SLC4A4: variants seen among roughly 807,000 people sequenced by gnomAD.
SLC4A4 encodes electrogenic sodium bicarbonate cotransporter 1.
SLC4A4 carries 27 observed loss-of-function variants against 111.5 expected under a neutral mutation model. That is an observed-to-expected ratio of 0.24 (90% CI 0.18 to 0.33). The LOEUF (loss-of-function observed/expected upper bound fraction) is 0.33. Ranked by LOEUF, SLC4A4 falls within the 10% of genes least tolerant of loss-of-function variation. The pLI is 1.00. For missense variants in SLC4A4, 909 were observed against 1,315.5 expected, an observed-to-expected ratio of 0.69 and a Z score of 4.78; for synonymous variants, 443 against 463.4, an observed-to-expected ratio of 0.96 and a Z score of 0.57.
intron 4 of SLC4A4, among the ~76,000 whole-genome samples, chr4:71,349,564 A>G (rs1024469129): frequency 3.3e-5 from 5 of 152,206 alleles, no homozygotes; most frequent in Non-Finnish European, 7.3e-5. Flanking sequence ...CTGTACCCAC[A>G]TGGAGAATTT....
chr4:71,319,974 A>G (rs1038035913), intron 3 of SLC4A4, among the ~76,000 whole-genome samples: 2 of 151,968 alleles, frequency 1.3e-5, no homozygotes, highest in Non-Finnish European at 2.9e-5. Context: ...GTGCATTTGC[A>G]GAATCCCATC....
Position 71,379,018 on chromosome 4 carries a change from AC to A in SLC4A4, c.731-18558del, listed in dbSNP as rs1297818189. Among the ~76,000 whole-genome samples, 7 of 152,022 alleles carry A rather than the reference AC, an allele frequency of 4.6e-5. No homozygotes were observed. In the East Asian group the frequency reaches 1.3e-3, roughly 29 times the overall value. ...TTCCCACCCTTCCTTGACTATTACA[AC>A]TGCTCTAATTCAGGTTTTTATCATC... On this transcript the variant is annotated intron_variant, in intron 6 of 25. Transcript: ENST00000264485.
intron 6 of SLC4A4, among the ~76,000 whole-genome samples, chr4:71,366,193 A>C (rs1178260542): frequency 6.6e-6 from 1 of 152,228 alleles, no homozygotes; most frequent in Non-Finnish European, 1.5e-5. Context: ...CATAGGAAGC[A>C]TTCAATGACT....
At chr4:71,362,847 T>A (rs900196773) in intron 6 of SLC4A4, among the ~76,000 whole-genome samples, 1 of 152,212 alleles carries the variant, frequency 6.6e-6, no homozygotes, top group Non-Finnish European at 1.5e-5. Context: ...GCTCCTAGGC[T>A]TCTTGCTGCT....
chr4:71,467,429 T>C (rs1372108084), intron 13 of SLC4A4, among the ~76,000 whole-genome samples: 1 of 152,170 alleles, frequency 6.6e-6, no homozygotes, highest in Non-Finnish European at 1.5e-5. Context: ...AGTATTATCC[T>C]AGGCACTTTA....
chr4:71,567,980 G>A lies in SLC4A4; in HGVS notation c.*229G>A, dbSNP rs978978935. On this transcript the variant is annotated 3_prime_UTR_variant, in exon 26 of 26. Transcript: ENST00000264485. Reference sequence around the variant, plus strand: ...TTGTTTATTTTTTAACTTTTATTTCGTCTCAGTTTTTGGTCACAGGCCAAA... The same window carrying A: ...TTGTTTATTTTTTAACTTTTATTTCATCTCAGTTTTTGGTCACAGGCCAAA... 20 of 855,976 alleles carry A rather than the reference G, an allele frequency of 2.3e-5. No individual in the cohort carries two copies. The highest frequency in any genetic ancestry group is 1.4e-4 in the African/African-American group (8 of 57,442). 53.0% of individuals were successfully genotyped at this position (855,976 alleles called of 1,614,324 possible).
intron 2 of SLC4A4, among the ~76,000 whole-genome samples, chr4:71,099,969 C>G (rs887921261): frequency 1.3e-5 from 2 of 152,052 alleles, no homozygotes; most frequent in African/African-American, 4.8e-5. Context: ...AAGTAGGCTA[C>G]CAACCAAAAG....
At chr4:71,128,001 G>A (rs143175177) in intron 2 of SLC4A4, among the ~76,000 whole-genome samples, 17 of 152,312 alleles carry the variant, frequency 1.1e-4, no homozygotes, top group African/African-American at 2.4e-4. Context: ...TGGGAAGATC[G>A]CTTGAGCGTG....
intron 1 of SLC4A4, among the ~76,000 whole-genome samples, chr4:71,211,679 T>G (rs1718135485): frequency 6.6e-6 from 1 of 152,166 alleles, no homozygotes; most frequent in Admixed American, 6.5e-5. Flanking sequence ...AAATCTTTAT[T>G]GCTAAGAAGA....
At position 71,320,092 on chromosome 4, in the gene SLC4A4, C is replaced by G. The variant is rs553763298; in HGVS notation, c.254-19278C>G. ...GGAAGGATTGGAGGGTCTTTAGTAT[C>G]TTATGTGAATTCTCCTAAAACTTAT... On this transcript the variant is annotated intron_variant, in intron 3 of 25. Coordinates refer to ENST00000264485, the MANE Select transcript of SLC4A4 (RefSeq NM_001098484.3). Among the ~76,000 whole-genome samples the G allele has an allele frequency of 3.3e-5, 5 of 152,128 alleles. No homozygotes were observed. In the South Asian group the frequency reaches 8.3e-4, roughly 25 times the overall value.
intron 3 of SLC4A4, chr4:71,300,939 T>C: frequency 1.9e-6 from 1 of 522,906 alleles, no homozygotes; most frequent in Non-Finnish European, 3.9e-6. Flanking sequence ...CACCAGGTTG[T>C]TGTTAGTGCC....
intron 7 of SLC4A4, among the ~76,000 whole-genome samples, chr4:71,419,989 G>A (rs1000447619): frequency 1.5e-4 from 23 of 152,256 alleles, no homozygotes; most frequent in Admixed American, 1.3e-4. Flanking sequence ...GCTGGACGGA[G>A]AATGACTTTG....
chr4:71,389,341 A>G (rs1250794735), intron 6 of SLC4A4, among the ~76,000 whole-genome samples: 2 of 151,994 alleles, frequency 1.3e-5, no homozygotes, highest in Non-Finnish European at 2.9e-5. Context: ...TTGATGTCTT[A>G]TTTTCTCCAC....
intron 6 of SLC4A4, among the ~76,000 whole-genome samples, chr4:71,357,456 A>G (rs1578909545): frequency 6.6e-6 from 1 of 152,200 alleles, no homozygotes; most frequent in African/African-American, 2.4e-5. Context: ...GTGGTTTAGT[A>G]GTAACTCTAT....
intron 4 of SLC4A4, among the ~76,000 whole-genome samples, chr4:71,342,481 C>CT (rs1252298911): frequency 6.6e-6 from 1 of 152,104 alleles, no homozygotes; most frequent in Non-Finnish European, 1.5e-5. Flanking sequence ...GCTTGAATTT[C>CT]TTTTTTATCA....
At chr4:71,202,139 C>A (rs192273701) in intron 1 of SLC4A4, among the ~76,000 whole-genome samples, 17 of 152,306 alleles carry the variant, frequency 1.1e-4, no homozygotes, top group African/African-American at 3.6e-4. Context: ...ATAACCAATA[C>A]ATATAGCATT....
At chr4:71,126,455 A>G (rs1001819150) in intron 2 of SLC4A4, among the ~76,000 whole-genome samples, 3 of 152,212 alleles carry the variant, frequency 2.0e-5, no homozygotes, top group Non-Finnish European at 2.9e-5. Context: ...GTTATTTAGA[A>G]TTACCAGATT....
At chr4:71,439,435 CAAAAAAAAAAAAAAAAAAA>C (rs56283596) in intron 7 of SLC4A4, among the ~76,000 whole-genome samples, 697 of 34,196 alleles carry the variant, frequency 0.02, 27 homozygotes, top group Middle Eastern at 0.12. Context: ...GACTCTGTCT[CAAAAAAAAAAAAAAAAAAA>C]AAAAAAAAAA....
At chr4:71,138,833 G>A (rs1400809914) in intron 2 of SLC4A4, among the ~76,000 whole-genome samples, 2 of 151,938 alleles carry the variant, frequency 1.3e-5, no homozygotes, top group African/African-American at 2.4e-5. Flanking sequence ...TCAGGAGATT[G>A]AGACCATTCT....
Sources: allele counts gnomAD v4.1 joint callset (sites outside exome capture counted in the v4.1 genomes callset), GRCh38; gene constraint gnomAD v4.1.1; transcripts MANE v1.5; gene names NCBI Gene and HGNC (gene_info 2026-07-23, HGNC 2026-07-21).